Variants in ATP7A observed in about 807,000 individuals in gnomAD.
ATP7A encodes the protein copper-transporting ATPase 1.
ATP7A carries 7 observed loss-of-function variants against 83.5 expected under a neutral mutation model. That is an observed-to-expected ratio of 0.08 (90% confidence interval 0.05 to 0.16). The LOEUF (loss-of-function observed/expected upper bound fraction) is 0.16. Ranked by LOEUF, ATP7A falls within the 10% of genes least tolerant of loss-of-function variation. ATP7A has a pLI of 1.00. For missense variants in ATP7A, 940 were observed against 1,120.8 expected (o/e 0.84, Z 2.30); for synonymous variants, 354 against 395.2 (o/e 0.90, Z 1.24).
At chrX:77,965,679 A>C (rs1257582522) in intron 1 of ATP7A, among the ~76,000 whole-genome samples, 2 of 112,114 alleles carry the variant, frequency 1.8e-5, no homozygotes, top group Non-Finnish European at 3.8e-5. Flanking sequence ...ATGAAAACAC[A>C]AAAGTTTGTA....
chrX:78,039,356 G>A (rs782812268), intron 18 of ATP7A, among the ~76,000 whole-genome samples: 2 of 110,250 alleles, frequency 1.8e-5, no homozygotes, highest in African/African-American at 6.6e-5. Flanking sequence ...TTTTTGAGAC[G>A]GAGTTTCTCT....
chrX:77,972,101 G>T (rs1203744732), intron 2 of ATP7A, among the ~76,000 whole-genome samples: 1 of 111,043 alleles, frequency 9.0e-6, no homozygotes, highest in Non-Finnish European at 1.9e-5. Flanking sequence ...GATGGGTTAG[G>T]GTTTTCTTTT....
intron 18 of ATP7A, 83 bp downstream of exon 18, chrX:78,039,065 T>C (rs1748388499): frequency 9.9e-7 from 1 of 1,009,109 alleles, no homozygotes; most frequent in Non-Finnish European, 1.4e-6. Context: ...ACCTCTGAAC[T>C]ATGAGGGTTA....
intron 1 of ATP7A, among the ~76,000 whole-genome samples, chrX:77,944,848 A>T (rs972426090): frequency 8.4e-5 from 9 of 107,277 alleles, no homozygotes; most frequent in Non-Finnish European, 1.3e-4. Flanking sequence ...TTATTTATTT[A>T]TTTATTTATT....
intron 12 of ATP7A, among the ~76,000 whole-genome samples, chrX:78,019,835 C>T (rs1023895105): frequency 1.3e-4 from 14 of 110,812 alleles, no homozygotes; most frequent in Admixed American, 1.3e-3. Context: ...CGGGGACTCT[C>T]TTACATACTG....
chrX:78,010,625 G>GCTGGAGTGC (rs1421916271), intron 7 of ATP7A, among the ~76,000 whole-genome samples: 12 of 93,527 alleles, frequency 1.3e-4, no homozygotes, highest in Non-Finnish European at 2.5e-4. Context: ...TGTCGCCTGG[G>GCTGGAGTGC]CTGGAGTGCA....
Position 78,049,190 on chromosome X carries a change from G to T in ATP7A, c.*2620G>T, listed in dbSNP as rs1380372029. 9.0e-6 allele frequency: 1 copy of T among 111,608 alleles called. No individual in the cohort carries two copies. Among genetic ancestry groups the T allele is most frequent in the Non-Finnish European group, 1.9e-5 (1 of 53,094 alleles). The allele number at this position is 111,608 out of a possible 1,213,427, so 9.2% of individuals were successfully genotyped here. A position where few individuals can be genotyped will look rare whatever the true frequency, so the allele number is the denominator to read the frequency against. On this transcript the variant is annotated 3_prime_UTR_variant, in exon 23 of 23. Coordinates refer to ENST00000341514, the MANE Select transcript of ATP7A (RefSeq NM_000052.7). ...GAGGGAATCAAAAATACTGCTTTCA[G>T]TTAGTAGCTAGCTTTAAGTCAGGAG...
intron 1 of ATP7A, among the ~76,000 whole-genome samples, chrX:77,948,059 ATATTTATTTATTTATTTATTTATT>A (rs200263608): frequency 1.1e-5 from 1 of 94,053 alleles, no homozygotes; most frequent in African/African-American, 4.0e-5. Flanking sequence ...CAATTTAAAA[ATATTTATTTATTTATTTATTTATT>A]TATTTATTTA....
At chrX:77,932,599 C>T (rs903832044) in intron 1 of ATP7A, among the ~76,000 whole-genome samples, 2 of 112,647 alleles carry the variant, frequency 1.8e-5, no homozygotes, top group East Asian at 2.8e-4. Flanking sequence ...CGCCACTGCA[C>T]TCCAGCCTGG....
intron 15 of ATP7A, among the ~76,000 whole-genome samples, chrX:78,030,291 G>A (rs1452107856): frequency 2.7e-5 from 3 of 110,638 alleles, no homozygotes; most frequent in East Asian, 2.9e-4. Context: ...GGGCGAGTTG[G>A]CACACCTGTA....
At chrX:77,994,058 G>A (rs1271260413) in intron 4 of ATP7A, among the ~76,000 whole-genome samples, 5 of 110,673 alleles carry the variant, frequency 4.5e-5, no homozygotes, top group African/African-American at 1.6e-4. Context: ...AAAATAGCTA[G>A]CATTTTATTA....
rs894711677 is a variant in ATP7A at position 78,048,420 on chromosome X, A to G, written c.*1850A>G. 3 of 112,196 alleles carry G rather than the reference A, an allele frequency of 2.7e-5. No individual in the cohort carries two copies. The highest frequency in any genetic ancestry group is 9.7e-5 in the African/African-American group (3 of 30,819). The allele number at this position is 112,196 out of a possible 1,213,427, so 9.2% of individuals were successfully genotyped here. Reference sequence around the variant, plus strand: ...TTTTCTCCCCTTGAGGTCAGTAATAAATACAAAAAAATCATTTTTCTAGAG... The same window carrying G: ...TTTTCTCCCCTTGAGGTCAGTAATAGATACAAAAAAATCATTTTTCTAGAG... On this transcript the variant is annotated 3_prime_UTR_variant, in exon 23 of 23. Coordinates refer to ENST00000341514, the MANE Select transcript of ATP7A (RefSeq NM_000052.7).
chrX:77,911,122 A>T (rs2077157442), intron 1 of ATP7A, among the ~76,000 whole-genome samples: 1 of 112,590 alleles, frequency 8.9e-6, no homozygotes, highest in Non-Finnish European at 1.9e-5. Flanking sequence ...GGTACAAGAA[A>T]GTTTGTGTTT....
At chrX:77,922,074 C>T (rs982271991) in intron 1 of ATP7A, among the ~76,000 whole-genome samples, 4 of 110,145 alleles carry the variant, frequency 3.6e-5, no homozygotes, top group Admixed American at 9.7e-5. Context: ...GGATTACAGG[C>T]GTGAGTCACT....
intron 6 of ATP7A, among the ~76,000 whole-genome samples, chrX:78,006,262 A>T (rs1198723903): frequency 8.9e-6 from 1 of 112,175 alleles, no homozygotes; most frequent in Non-Finnish European, 1.9e-5. Context: ...ACTTGTAGGA[A>T]TTTATCCAAC....
intron 15 of ATP7A, among the ~76,000 whole-genome samples, chrX:78,029,902 T>C (rs1197430715): frequency 8.9e-6 from 1 of 111,867 alleles, no homozygotes; most frequent in Non-Finnish European, 1.9e-5. Context: ...AATATAATCC[T>C]ATCTCTGATC....
At chrX:77,931,842 C>T (rs782781464) in intron 1 of ATP7A, among the ~76,000 whole-genome samples, 1,296 of 94,409 alleles carry the variant, frequency 0.014, 31 homozygotes, top group African/African-American at 0.05. Flanking sequence ...ACCTCCCTCC[C>T]GGACGGGGCG....
chrX:78,007,578 G>A (rs2149092680), intron 6 of ATP7A, among the ~76,000 whole-genome samples: 1 of 112,104 alleles, frequency 8.9e-6, no homozygotes, highest in East Asian at 2.8e-4. Flanking sequence ...GCCCACCTCG[G>A]CCTCCCAAAG....
intron 1 of ATP7A, among the ~76,000 whole-genome samples, chrX:77,955,477 A>G (rs1222020112): frequency 8.9e-6 from 1 of 111,938 alleles, no homozygotes; most frequent in Non-Finnish European, 1.9e-5. Context: ...ATATTGATAC[A>G]TAAAAATACT....
Sources: allele counts gnomAD v4.1 joint callset (sites outside exome capture counted in the v4.1 genomes callset), GRCh38; gene constraint gnomAD v4.1.1; transcripts MANE v1.5; gene names NCBI Gene and HGNC (gene_info 2026-07-23, HGNC 2026-07-21).